Variants in MARCHF5 observed in about 807,000 individuals in gnomAD.
MARCHF5 encodes the protein E3 ubiquitin-protein ligase MARCHF5.
Under a neutral mutation model 36.5 loss-of-function variants are expected in MARCHF5, and 5 were observed. The ratio of observed to expected loss-of-function variants is 0.14; its 90% CI spans 0.07 to 0.29. The LOEUF is 0.29. Ranked by LOEUF, MARCHF5 falls within the 10% of genes least tolerant of loss-of-function variation. The pLI is 1.00. For missense variants in MARCHF5, 179 were observed against 336.3 expected, an observed-to-expected ratio of 0.53 and a Z score of 3.66; for synonymous variants, 103 against 109.9, an observed-to-expected ratio of 0.94 and a Z score of 0.39.
At chr10:92,325,616 A>G (rs1208214026) in intron 2 of MARCHF5, among the ~76,000 whole-genome samples, 2 of 152,136 alleles carry the variant, frequency 1.3e-5, no homozygotes, top group Non-Finnish European at 2.9e-5. Context: ...CAGCTCTCTT[A>G]TATCTCATTA....
At chr10:92,324,340 TTTTC>T (rs375455989) in intron 2 of MARCHF5, among the ~76,000 whole-genome samples, 17 of 152,130 alleles carry the variant, frequency 1.1e-4, no homozygotes, top group African/African-American at 2.7e-4. Context: ...ATCTTTCTCC[TTTTC>T]TTTCTTTCTT....
In MARCHF5 at chr10:92,329,559, C is replaced by G. The variant is rs538145946; in HGVS notation, c.239-11114C>G. On this transcript the variant is annotated intron_variant, in intron 2 of 5. Transcript: ENST00000358935. ...TAGCCACATGGCCTTCTGTCACTCA[C>G]ATGAACTCAACCTATTTCTTTTCTG... is the stretch of plus-strand genomic sequence containing the variant. Among the ~76,000 whole-genome samples the G allele has an allele frequency of 2.6e-5, 4 of 152,306 alleles. No homozygotes were observed. The South Asian group carries it at 8.3e-4, about 32-fold the overall frequency.
At chr10:92,295,777 A>G (rs903142042) in intron 1 of MARCHF5, among the ~76,000 whole-genome samples, 2 of 151,712 alleles carry the variant, frequency 1.3e-5, no homozygotes, top group Admixed American at 6.6e-5. Flanking sequence ...TAGTTTAGCT[A>G]TTATTTGTTT....
chr10:92,328,821 A>ATATATATATATATATTTTTT (rs372130854), intron 2 of MARCHF5, among the ~76,000 whole-genome samples: 1 of 122,444 alleles, frequency 8.2e-6, no homozygotes, highest in African/African-American at 3.2e-5. Flanking sequence ...ATATATATAT[A>ATATATATATATATATTTTTT]TTTTTTTTTT....
chr10:92,347,523 T>TAGATAGATAGATA (rs58664499), intron 3 of MARCHF5, among the ~76,000 whole-genome samples: 43 of 86,926 alleles, frequency 4.9e-4, no homozygotes, highest in South Asian at 1.1e-3. Context: ...GATAGATAGA[T>TAGATAGATAGATA]GATAGATATA....
chr10:92,296,070 T>G (rs1368701714), intron 1 of MARCHF5, among the ~76,000 whole-genome samples: 1 of 152,014 alleles, frequency 6.6e-6, no homozygotes, highest in Non-Finnish European at 1.5e-5. Flanking sequence ...AGACTGGGTA[T>G]CTCTATGTTG....
intron 2 of MARCHF5, among the ~76,000 whole-genome samples, chr10:92,322,680 C>T (rs1843304782): frequency 6.6e-6 from 1 of 150,550 alleles, no homozygotes; most frequent in African/African-American, 2.5e-5. Flanking sequence ...TACTCCTGAG[C>T]TCAAGTAATC....
In MARCHF5 at chr10:92,301,765, A is replaced by C. The variant is rs144157541; in HGVS notation, c.36-9370A>C. 9.9e-3 allele frequency among the ~76,000 whole-genome samples: 1,510 copies of C among 152,250 alleles called. 24 individuals carry two copies. Among genetic ancestry groups the C allele is most frequent in the African/African-American group, 0.034 (1,413 of 41,542 alleles). ...TTACGTTCTCTCTAGATTACATATA[A>C]TACCTAATACAGGCCGGGTGCAGGG... is the stretch of plus-strand genomic sequence containing the variant. On this transcript the variant is annotated intron_variant, in intron 1 of 5. Coordinates refer to ENST00000358935, the MANE Select transcript of MARCHF5 (RefSeq NM_017824.5).
intron 2 of MARCHF5, among the ~76,000 whole-genome samples, chr10:92,330,221 C>G (rs1359271188): frequency 6.6e-6 from 1 of 152,096 alleles, no homozygotes. Flanking sequence ...AATAAGAGTT[C>G]CTTTTGTTTA....
chr10:92,311,478 C>T lies in MARCHF5; in HGVS notation c.238+141C>T, dbSNP rs574975176. 4.4e-5 allele frequency: 28 copies of T among 630,654 alleles called. 1 individual carries two copies. In the Admixed American group the frequency reaches 8.7e-4, roughly 20 times the overall value. 39.1% of individuals were successfully genotyped at this position (630,654 alleles called of 1,614,324 possible). A position where few individuals can be genotyped will look rare whatever the true frequency, so the allele number is the denominator to read the frequency against. Reference sequence around the variant, plus strand: ...TTTCTCTTGTTTCCTCTCTGAATGTCAGACATTTATTTCTTTTGCTAACAG... The same window carrying T: ...TTTCTCTTGTTTCCTCTCTGAATGTTAGACATTTATTTCTTTTGCTAACAG... On this transcript the variant is annotated intron_variant, in intron 2 of 5. Coordinates refer to ENST00000358935, the MANE Select transcript of MARCHF5 (RefSeq NM_017824.5).
At chr10:92,304,569 T>C (rs546040315) in intron 1 of MARCHF5, among the ~76,000 whole-genome samples, 28 of 152,346 alleles carry the variant, frequency 1.8e-4, no homozygotes, top group African/African-American at 5.5e-4. Context: ...ATTTATCAGT[T>C]GGCCTGATAA....
chr10:92,317,354 C>T (rs903846230), intron 2 of MARCHF5, among the ~76,000 whole-genome samples: 3 of 152,154 alleles, frequency 2.0e-5, no homozygotes, highest in Admixed American at 1.3e-4. Context: ...CCACCTTGGC[C>T]TCCCAAAATC....
Position 92,291,259 on chromosome 10 carries a change from G to A in MARCHF5, c.-236G>A. 1.9e-6 allele frequency: 1 copy of A among 540,528 alleles called. No individual in the cohort carries two copies. Among genetic ancestry groups the A allele is most frequent in the Non-Finnish European group, 3.2e-6 (1 of 311,232 alleles). 33.5% of individuals were successfully genotyped at this position (540,528 alleles called of 1,614,324 possible). A position where few individuals can be genotyped will look rare whatever the true frequency, so the allele number is the denominator to read the frequency against. Reference sequence around the variant, plus strand: ...GCCGACGGACGGGAACCCGGGCCGCGATCGCCGCCTCCCCGCCTCAGGCTC... The same window carrying A: ...GCCGACGGACGGGAACCCGGGCCGCAATCGCCGCCTCCCCGCCTCAGGCTC... On this transcript the variant is annotated 5_prime_UTR_variant, in exon 1 of 6. Coordinates refer to ENST00000358935, the MANE Select transcript of MARCHF5 (RefSeq NM_017824.5).
chr10:92,297,179 T>G (rs1013521035), intron 1 of MARCHF5, among the ~76,000 whole-genome samples: 1 of 151,386 alleles, frequency 6.6e-6, no homozygotes, highest in Non-Finnish European at 1.5e-5. Flanking sequence ...TTTTTTTTTT[T>G]TTTTTGAGTC....
rs1843014682 is a variant in MARCHF5, at chr10:92,301,745, TTC to T, written c.36-9384_36-9383del. ...TGCACATCCTCCTGTACACTTTACGTTCTCTCTAGATTACATATAATACCTAA... is the reference window on the plus strand; with the variant it reads ...TGCACATCCTCCTGTACACTTTACGTTCTCTAGATTACATATAATACCTAA... On this transcript the variant is annotated intron_variant, in intron 1 of 5. Coordinates refer to ENST00000358935, the MANE Select transcript of MARCHF5 (RefSeq NM_017824.5). Among the ~76,000 whole-genome samples, 6 of 152,316 alleles carry T rather than the reference TTC, an allele frequency of 3.9e-5. No homozygotes were observed. The South Asian group carries it at 1.0e-3, about 26-fold the overall frequency.
chr10:92,302,796 G>A (rs1409393107), intron 1 of MARCHF5, among the ~76,000 whole-genome samples: 1 of 152,132 alleles, frequency 6.6e-6, no homozygotes, highest in East Asian at 1.9e-4. Flanking sequence ...ATTAACCACA[G>A]TATGAATCTC....
At chr10:92,338,564 G>C (rs11186926) in intron 2 of MARCHF5, among the ~76,000 whole-genome samples, 50,977 of 152,056 alleles carry the variant, frequency 0.34, 10,745 homozygotes, top group Middle Eastern at 0.52. Flanking sequence ...GTAAGTTAGA[G>C]CTTGACAGTA....
chr10:92,337,545 A>G (rs1419706462), intron 2 of MARCHF5, among the ~76,000 whole-genome samples: 7 of 152,122 alleles, frequency 4.6e-5, no homozygotes, highest in Admixed American at 3.3e-4. Context: ...AATAAAACAT[A>G]TACAGTTCTT....
intron 3 of MARCHF5, among the ~76,000 whole-genome samples, chr10:92,342,627 C>T (rs569923246): frequency 1.3e-5 from 2 of 152,282 alleles, no homozygotes; most frequent in South Asian, 4.1e-4. Flanking sequence ...TCATGTTCTT[C>T]TGTCAATCCA....
Sources: allele counts gnomAD v4.1 joint callset (sites outside exome capture counted in the v4.1 genomes callset), GRCh38; gene constraint gnomAD v4.1.1; transcripts MANE v1.5; gene names NCBI Gene and HGNC (gene_info 2026-07-23, HGNC 2026-07-21).